Variants in HCFC2 observed in about 807,000 individuals in gnomAD.
The protein encoded by HCFC2 is host cell factor C2, also known as host cell factor 2.
HCFC2 carries 18 observed loss-of-function variants against 89.2 expected under a neutral mutation model. The ratio of observed to expected loss-of-function variants is 0.20; its 90% CI spans 0.14 to 0.30. HCFC2 has a LOEUF of 0.30. Among genes scored for constraint, HCFC2 ranks in the 10% least tolerant of loss-of-function variants. The pLI is 1.00. For synonymous variants in HCFC2, 308 were observed against 335.7 expected (o/e 0.92, Z 0.90); for missense variants, 578 against 956.1 (o/e 0.60, Z 5.21).
rs950318999 is a variant in HCFC2 at position 104,103,251 on chromosome 12, A to G, written c.2357A>G (p.Asn786Ser). 12 of 1,611,504 alleles carry G rather than the reference A, an allele frequency of 7.4e-6. No homozygotes were observed. The highest frequency in any genetic ancestry group is 1.7e-5 in the Admixed American group (1 of 59,884). The change falls in exon 15 of 15, where the codon AAT (asparagine) becomes AGT (serine). Residue 786 changes from asparagine to serine, a missense_variant. This residue lies in a region of HCFC2 where 140 missense variants were observed against 266.4 expected (regional missense o/e 0.53). Transcript: ENST00000229330. ...CAAGTTCGGTGGCTTCAAGGTAACA[A>G]TAAGAAAGCACCTTTAAATTGAATT... ...ATQVRWLQGN[N>S]KKAPLN is the part of the protein sequence containing the mutation.
chr12:104,080,661 CTTG>C, intron 4 of HCFC2, 82 bp from the exon 5 acceptor site: 1 of 755,890 alleles, frequency 1.3e-6, no homozygotes, highest in South Asian at 1.9e-5. Context: ...TTGGTAAGTC[CTTG>C]TTTTATTTTT....
chr12:104,089,921 T>C (rs1333847482), intron 9 of HCFC2, among the ~76,000 whole-genome samples: 1 of 152,194 alleles, frequency 6.6e-6, no homozygotes, highest in African/African-American at 2.4e-5. Flanking sequence ...AGTTTCTTTT[T>C]TCCCCCCTTG....
chr12:104,072,855 A>G (rs2136598011), intron 3 of HCFC2, among the ~76,000 whole-genome samples: 1 of 152,080 alleles, frequency 6.6e-6, no homozygotes, highest in Middle Eastern at 3.4e-3. Context: ...CATGTTAGCC[A>G]GGATGGTCTC....
At chr12:104,097,100 G>A (rs1055041528) in intron 12 of HCFC2, among the ~76,000 whole-genome samples, 1 of 151,972 alleles carries the variant, frequency 6.6e-6, no homozygotes, top group African/African-American at 2.4e-5. Flanking sequence ...TAAATACAAG[G>A]ATAATACATA....
chr12:104,086,807 A>G (rs368298038), intron 7 of HCFC2, 40 bp from the exon 8 acceptor site: 2 of 1,578,230 alleles, frequency 1.3e-6, no homozygotes, highest in Non-Finnish European at 1.7e-6. Flanking sequence ...CCATTTATAC[A>G]CTGGAAACTT....
chr12:104,097,751 GTTTA>G (rs1185948623), intron 12 of HCFC2: 8 of 465,322 alleles, frequency 1.7e-5, no homozygotes, highest in African/African-American at 2.1e-5. Context: ...GGTAGAGGAA[GTTTA>G]TTTGTTTTAA....
At chr12:104,079,866 A>G (rs920695242) in intron 4 of HCFC2, among the ~76,000 whole-genome samples, 6 of 152,362 alleles carry the variant, frequency 3.9e-5, no homozygotes, top group Non-Finnish European at 4.4e-5. Flanking sequence ...TGTGCATTCT[A>G]TAAATAGGGT....
At chr12:104,084,546 G>A (rs1357040086) in intron 7 of HCFC2, among the ~76,000 whole-genome samples, 1 of 152,190 alleles carries the variant, frequency 6.6e-6, no homozygotes, top group Non-Finnish European at 1.5e-5. Flanking sequence ...AGGTTAGAGA[G>A]ATGACCACAG....
At chr12:104,090,142 A>G (rs1452379158) in intron 9 of HCFC2, among the ~76,000 whole-genome samples, 2 of 152,132 alleles carry the variant, frequency 1.3e-5, no homozygotes, top group African/African-American at 4.8e-5. Flanking sequence ...TGGGCTTTTG[A>G]AAGGTAAATT....
intron 7 of HCFC2, among the ~76,000 whole-genome samples, chr12:104,084,263 T>C (rs1175151581): frequency 6.6e-6 from 1 of 152,260 alleles, no homozygotes; most frequent in South Asian, 2.1e-4. Context: ...ATAAGTTCAG[T>C]TTCTGTTAAT....
intron 9 of HCFC2, chr12:104,090,941 TGTAA>T (rs1364060550): frequency 1.3e-5 from 2 of 152,186 alleles, no homozygotes; most frequent in Non-Finnish European, 2.9e-5. Context: ...GACCAACAAA[TGTAA>T]GTATCAGTGG....
chr12:104,098,332 T>C lies in HCFC2; in HGVS notation c.1741-11T>C. ...AAGAGTCTTCATAAATTTTTTTTTCTCTGAAATTAGAAAGAGACTCCTTCA... is the reference window on the plus strand; with the variant it reads ...AAGAGTCTTCATAAATTTTTTTTTCCCTGAAATTAGAAAGAGACTCCTTCA... On this transcript the variant is annotated splice_polypyrimidine_tract_variant and intron_variant, in intron 12 of 14. Coordinates refer to ENST00000229330, the MANE Select transcript of HCFC2 (RefSeq NM_013320.3). 6.3e-7 allele frequency: 1 copy of C among 1,578,498 alleles called. No individual in the cohort carries two copies.
chr12:104,088,810 A>G (rs1338321537), intron 9 of HCFC2, among the ~76,000 whole-genome samples: 3 of 152,188 alleles, frequency 2.0e-5, no homozygotes, highest in African/African-American at 7.2e-5. Flanking sequence ...TCTATTATAT[A>G]TATTCCTATG....
At chr12:104,100,594 G>A (rs575951405) in intron 13 of HCFC2, among the ~76,000 whole-genome samples, 6 of 151,884 alleles carry the variant, frequency 4.0e-5, no homozygotes, top group Admixed American at 6.6e-5. Flanking sequence ...ATTATTAAAT[G>A]GACAATTTCT....
chr12:104,095,354 T>C lies in HCFC2; in HGVS notation c.1463-6T>C, dbSNP rs1165506586. ...ATTAATAATTACCTTTTCCCTTTTA[T>C]TTTAGGTCCTCACACTTCAGCAAAT... is the stretch of plus-strand genomic sequence containing the variant. On this transcript the variant is annotated splice_region_variant and splice_polypyrimidine_tract_variant and intron_variant, in intron 10 of 14. Coordinates refer to ENST00000229330, the MANE Select transcript of HCFC2 (RefSeq NM_013320.3). This position sits in a 1 kb window ranked among gnomAD's most constrained non-coding sequence, Gnocchi z 4.2. The C allele has an allele frequency of 6.2e-7, 1 of 1,605,198 alleles. No homozygotes were observed. Among genetic ancestry groups the C allele is most frequent in the South Asian group, 1.1e-5 (1 of 90,686 alleles).
intron 7 of HCFC2, among the ~76,000 whole-genome samples, chr12:104,083,356 G>T (rs377762900): frequency 3.9e-5 from 6 of 152,082 alleles, no homozygotes; most frequent in East Asian, 3.8e-4. Context: ...CAAACTGAGG[G>T]ACATTCTAGA....
intron 5 of HCFC2, 35 bp from the exon 6 acceptor site, chr12:104,082,464 TA>T: frequency 7.7e-7 from 1 of 1,305,934 alleles, no homozygotes; most frequent in South Asian, 1.2e-5. Flanking sequence ...TAAAATGAAA[TA>T]AGCTACTTTA....
intron 3 of HCFC2, among the ~76,000 whole-genome samples, chr12:104,069,548 C>T (rs1883255444): frequency 2.0e-5 from 3 of 150,408 alleles, no homozygotes; most frequent in Non-Finnish European, 4.4e-5. Context: ...AAAGATTTCA[C>T]ATATGAGATC....
intron 2 of HCFC2, among the ~76,000 whole-genome samples, chr12:104,067,314 G>C (rs1441037763): frequency 6.6e-6 from 1 of 152,182 alleles, no homozygotes; most frequent in African/African-American, 2.4e-5. Context: ...CAAAAGAGGA[G>C]TAACAGTTTC....
Sources: gnomAD v4.1 joint callset for allele counts (sites outside exome capture counted in the v4.1 genomes callset) on GRCh38, gnomAD v4.1.1 for gene constraint, gnomAD v4.1.1 regional missense constraint, Gnocchi (gnomAD v3.1) non-coding constraint, MANE v1.5 for transcripts, NCBI Gene and HGNC (gene_info 2026-07-23, HGNC 2026-07-21) for gene names.